The following KLRF1 variants were observed in gnomAD, a reference collection of about 807,000 sequenced individuals.
The protein encoded by KLRF1 is killer cell lectin like receptor F1.
Under a neutral mutation model 30.7 loss-of-function variants are expected in KLRF1, and 27 were observed. The observed-to-expected ratio is 0.88, with a 90% confidence interval of 0.65 to 1.21. The LOEUF (loss-of-function observed/expected upper bound fraction) is 1.21. Among genes scored for constraint, KLRF1 ranks in the 50% most tolerant of loss-of-function variants. KLRF1 has a pLI of 0.00. For synonymous variants in KLRF1, 92 were observed against 89.3 expected (o/e 1.03, Z -0.17); for missense variants, 246 against 259.3 (o/e 0.95, Z 0.35).
chr12:9,834,719 G>C lies in KLRF1; in HGVS notation c.334+1267G>C, dbSNP rs921943689. Among the ~76,000 whole-genome samples the C allele has an allele frequency of 2.6e-5, 4 of 152,280 alleles. No individual in the cohort carries two copies. In the East Asian group the frequency reaches 7.7e-4, roughly 29 times the overall value. ...AGGACCCAGTACATCCAATTAGAGA[G>C]TGTCCAAGGGCGTTCAGCATAATTA... is the stretch of plus-strand genomic sequence containing the variant. On this transcript the variant is annotated intron_variant, in intron 3 of 5. Transcript: ENST00000617889.
chr12:9,811,238 A>T, the KLRF1 span, among the ~76,000 whole-genome samples: 2 of 150,122 alleles, frequency 1.3e-5, no homozygotes, highest in African/African-American at 4.9e-5. Flanking sequence ...TGCAAGCAGG[A>T]TTGCCAAAGG....
intron 2 of KLRF1, 65 bp downstream of exon 2, chr12:9,832,479 T>C (rs1867454587): frequency 1.1e-6 from 1 of 927,996 alleles, no homozygotes; most frequent in African/African-American, 1.7e-5. Flanking sequence ...TTATAAATCT[T>C]TTTATAATTA....
upstream of KLRF1, among the ~76,000 whole-genome samples, chr12:9,823,005 A>G (rs984734187): frequency 1.3e-5 from 2 of 152,140 alleles, no homozygotes; most frequent in African/African-American, 4.8e-5. Flanking sequence ...AATATTTACA[A>G]AATAATAGTG....
At chr12:9,841,736 A>C in intron 3 of KLRF1, 76 bp from the exon 4 acceptor site, 3 of 1,077,392 alleles carry the variant, frequency 2.8e-6, no homozygotes, top group African/African-American at 3.2e-5. Context: ...ACAACATGTA[A>C]GTATTGTTCT....
At chr12:9,807,595 A>G in the KLRF1 span, among the ~76,000 whole-genome samples, 3 of 152,180 alleles carry the variant, frequency 2.0e-5, no homozygotes, top group African/African-American at 7.2e-5. Context: ...AAAGAAATAT[A>G]CAATTATACT....
At chr12:9,838,929 G>C (rs1867644741) in intron 3 of KLRF1, among the ~76,000 whole-genome samples, 1 of 152,074 alleles carries the variant, frequency 6.6e-6, no homozygotes, top group Non-Finnish European at 1.5e-5. Flanking sequence ...CTTGGTTGCT[G>C]CTATGAACTG....
At chr12:9,827,222 G>A (rs2232541), upstream of KLRF1, among the ~76,000 whole-genome samples, 1,718 of 152,188 alleles carry the variant, frequency 0.011, 32 homozygotes, top group African/African-American at 0.039. Flanking sequence ...ACCTCAAAAA[G>A]GGGCATAATT....
chr12:9,825,803 A>G (rs1445711784), upstream of KLRF1, among the ~76,000 whole-genome samples: 1 of 152,158 alleles, frequency 6.6e-6, no homozygotes, highest in African/African-American at 2.4e-5. Flanking sequence ...CATCTGTAAG[A>G]AACTTAAACC....
the KLRF1 span, among the ~76,000 whole-genome samples, chr12:9,806,848 C>T: frequency 1.3e-5 from 2 of 151,854 alleles, no homozygotes; most frequent in African/African-American, 4.8e-5. Context: ...GCCTGGCTAA[C>T]TTTTAAAAGC....
At chr12:9,806,586 T>C in the KLRF1 span, among the ~76,000 whole-genome samples, 1 of 152,116 alleles carries the variant, frequency 6.6e-6, no homozygotes, top group Non-Finnish European at 1.5e-5. Flanking sequence ...AGCCTTTTGA[T>C]TGGCTAATCC....
the KLRF1 span, among the ~76,000 whole-genome samples, chr12:9,820,842 G>A: frequency 6.6e-6 from 1 of 152,088 alleles, no homozygotes; most frequent in South Asian, 2.1e-4. Flanking sequence ...GACCACACTG[G>A]CCCCTCCAGC....
chr12:9,844,335 T>G, intron 5 of KLRF1, 83 bp from the exon 6 acceptor site: 1 of 711,590 alleles, frequency 1.4e-6, no homozygotes, highest in Non-Finnish European at 2.4e-6. Context: ...TACTTTTTTA[T>G]TTAAAAGAGG....
intron 5 of KLRF1, among the ~76,000 whole-genome samples, chr12:9,843,451 C>T (rs1488390085): frequency 6.6e-6 from 1 of 152,050 alleles, no homozygotes; most frequent in Non-Finnish European, 1.5e-5. Context: ...GTATTATTTT[C>T]CCCTTATTTC....
At chr12:9,826,870 G>A (rs1867291795), upstream of KLRF1, among the ~76,000 whole-genome samples, 4 of 152,158 alleles carry the variant, frequency 2.6e-5, no homozygotes. Context: ...GAGCCTACTT[G>A]AAGGTGGAGG....
intron 5 of KLRF1, 22 bp from the exon 6 acceptor site, chr12:9,844,396 G>A (rs1555122381): frequency 1.0e-5 from 13 of 1,243,420 alleles, no homozygotes; most frequent in South Asian, 2.4e-5. Flanking sequence ...GATTAACAAA[G>A]TATTTATTCT....
chr12:9,826,862 G>T (rs570779217), upstream of KLRF1, among the ~76,000 whole-genome samples: 13 of 152,120 alleles, frequency 8.5e-5, no homozygotes, highest in Non-Finnish European at 1.9e-4. Flanking sequence ...AGACACCGGA[G>T]CCTACTTGAA....
At chr12:9,822,054 A>G in the KLRF1 span, among the ~76,000 whole-genome samples, 1 of 152,342 alleles carries the variant, frequency 6.6e-6, no homozygotes, top group Non-Finnish European at 1.5e-5. Flanking sequence ...AAACACTCAA[A>G]TGCAGAGAAG....
At chr12:9,801,888 A>G in the KLRF1 span, among the ~76,000 whole-genome samples, 1 of 152,058 alleles carries the variant, frequency 6.6e-6, no homozygotes, top group Non-Finnish European at 1.5e-5. Context: ...TTTTGTTGCA[A>G]TTGCTTTTAG....
At chr12:9,811,100 A>T in the KLRF1 span, among the ~76,000 whole-genome samples, 2 of 152,112 alleles carry the variant, frequency 1.3e-5, no homozygotes, top group African/African-American at 4.8e-5. Flanking sequence ...ATCCTAAAAT[A>T]AAATTCACCT....
Sources: gnomAD v4.1 joint callset for allele counts (sites outside exome capture counted in the v4.1 genomes callset) on GRCh38, gnomAD v4.1.1 for gene constraint, MANE v1.5 for transcripts, NCBI Gene and HGNC (gene_info 2026-07-23, HGNC 2026-07-21) for gene names.